GALNTL6: variants seen among roughly 807,000 people sequenced by gnomAD.
GALNTL6 encodes the protein polypeptide N-acetylgalactosaminyltransferase like 6.
GALNTL6 carries 46 observed loss-of-function variants against 73.7 expected under a neutral mutation model. The ratio of observed to expected loss-of-function variants is 0.62; its 90% confidence interval spans 0.49 to 0.80. GALNTL6 has a LOEUF of 0.80. Among genes scored for constraint, GALNTL6 ranks in the 30% least tolerant of loss-of-function variants. GALNTL6 has a pLI of 0.00. For synonymous variants in GALNTL6, 259 were observed against 263.7 expected (o/e 0.98, Z 0.17); for missense variants, 604 against 755.0 (o/e 0.80, Z 2.34).
intron 2 of GALNTL6, among the ~76,000 whole-genome samples, chr4:172,177,927 T>C (rs1422941186): frequency 7.3e-6 from 1 of 136,554 alleles, no homozygotes; most frequent in Non-Finnish European, 1.7e-5. Context: ...TTTATTTGTG[T>C]GTTCTTCAAG....
intron 10 of GALNTL6, among the ~76,000 whole-genome samples, chr4:173,000,838 A>G (rs1752014712): frequency 6.6e-6 from 1 of 152,212 alleles, no homozygotes; most frequent in Non-Finnish European, 1.5e-5. Flanking sequence ...TGGTGCTGGG[A>G]AAACTGGATA....
chr4:172,958,229 C>T (rs531693726), intron 10 of GALNTL6, among the ~76,000 whole-genome samples: 1 of 152,216 alleles, frequency 6.6e-6, no homozygotes, highest in East Asian at 1.9e-4. Context: ...AGTATTAGGG[C>T]AGCATCAGCC....
At chr4:172,797,230 A>G (rs1477754267) in intron 5 of GALNTL6, among the ~76,000 whole-genome samples, 1 of 152,108 alleles carries the variant, frequency 6.6e-6, no homozygotes, top group Non-Finnish European at 1.5e-5. Flanking sequence ...GTGCTGCTGT[A>G]TGGCACCTAA....
chr4:172,067,193 C>T (rs927441206), intron 2 of GALNTL6, among the ~76,000 whole-genome samples: 10 of 151,828 alleles, frequency 6.6e-5, no homozygotes, highest in African/African-American at 2.4e-4. Flanking sequence ...CTTTAAAAGG[C>T]ACAATAAAAC....
At chr4:172,500,288 A>G (rs897847520) in intron 5 of GALNTL6, among the ~76,000 whole-genome samples, 1 of 152,026 alleles carries the variant, frequency 6.6e-6, no homozygotes, top group Non-Finnish European at 1.5e-5. Flanking sequence ...AGGTATGGTG[A>G]TGTACACCTG....
At chr4:172,782,147 T>C (rs1739400852) in intron 5 of GALNTL6, among the ~76,000 whole-genome samples, 1 of 152,084 alleles carries the variant, frequency 6.6e-6, no homozygotes, top group African/African-American at 2.4e-5. Flanking sequence ...CCTTAATCAA[T>C]AGAAAATTTT....
chr4:171,840,381 A>G (rs1377560987), intron 2 of GALNTL6, among the ~76,000 whole-genome samples: 1 of 148,170 alleles, frequency 6.7e-6, no homozygotes, highest in Non-Finnish European at 1.5e-5. Flanking sequence ...GCGGAAATAA[A>G]CATATTAAAG....
chr4:172,677,581 T>C (rs2111222520), intron 5 of GALNTL6, among the ~76,000 whole-genome samples: 1 of 152,074 alleles, frequency 6.6e-6, no homozygotes, highest in East Asian at 1.9e-4. Context: ...AAACAATTGG[T>C]CCAGGAAGAG....
intron 5 of GALNTL6, among the ~76,000 whole-genome samples, chr4:172,564,220 A>G (rs1393871076): frequency 6.6e-6 from 1 of 152,232 alleles, no homozygotes; most frequent in African/African-American, 2.4e-5. Flanking sequence ...TAAAATAAAT[A>G]ATCTCATATT....
intron 2 of GALNTL6, among the ~76,000 whole-genome samples, chr4:171,872,571 G>T (rs1016761898): frequency 6.6e-6 from 1 of 152,108 alleles, no homozygotes; most frequent in Admixed American, 6.6e-5. Context: ...AGTTCTGAAG[G>T]CCACAAGTCT....
chr4:171,903,549 C>T (rs1289592581), intron 2 of GALNTL6, among the ~76,000 whole-genome samples: 2 of 149,610 alleles, frequency 1.3e-5, no homozygotes, highest in Non-Finnish European at 1.5e-5. Context: ...AACTGCAAGG[C>T]GGCAGCGAGG....
At chr4:172,226,933 A>C (rs1736887424) in intron 2 of GALNTL6, among the ~76,000 whole-genome samples, 1 of 152,152 alleles carries the variant, frequency 6.6e-6, no homozygotes, top group South Asian at 2.1e-4. Context: ...TGAGAAAATT[A>C]AATTTAGAGT....
chr4:172,230,202 C>T (rs1192800253), intron 3 of GALNTL6, among the ~76,000 whole-genome samples: 3 of 152,062 alleles, frequency 2.0e-5, no homozygotes, highest in Non-Finnish European at 2.9e-5. Flanking sequence ...GCAGGTCAAG[C>T]AGCTGGGGTT....
intron 5 of GALNTL6, among the ~76,000 whole-genome samples, chr4:172,575,838 T>G (rs1736938353): frequency 6.6e-6 from 1 of 152,202 alleles, no homozygotes; most frequent in South Asian, 2.1e-4. Context: ...AATCAGTGAC[T>G]CAGCACTTCA....
intron 7 of GALNTL6, among the ~76,000 whole-genome samples, chr4:172,815,488 C>T (rs1298438088): frequency 6.6e-6 from 1 of 152,074 alleles, no homozygotes; most frequent in African/African-American, 2.4e-5. Flanking sequence ...TTCCAAATAC[C>T]GTGATAGTGA....
intron 8 of GALNTL6, among the ~76,000 whole-genome samples, chr4:172,900,993 C>T (rs1266454154): frequency 6.6e-6 from 1 of 152,038 alleles, no homozygotes; most frequent in African/African-American, 2.4e-5. Flanking sequence ...GATTTTATTG[C>T]CTCATTTCCT....
In GALNTL6 at chr4:171,814,774, G is replaced by T. The variant is rs781154286; in HGVS notation, c.138+56G>T. The stretch of plus-strand genomic sequence containing the variant: ...GGATTGGTAAGGCAGTGATCCTCGC[G>T]CGGGGACTCGAGAAAGCCGGTGTGG... On this transcript the variant is annotated intron_variant, in intron 2 of 12. Transcript: ENST00000506823. The T allele has an allele frequency of 4.4e-6, 7 of 1,575,252 alleles. No homozygotes were observed. In the East Asian group the frequency reaches 8.9e-5, roughly 20 times the overall value.
chr4:172,173,964 C>T (rs1339955808), intron 2 of GALNTL6, among the ~76,000 whole-genome samples: 2 of 143,846 alleles, frequency 1.4e-5, no homozygotes, highest in Non-Finnish European at 2.9e-5. Context: ...AAAAGATAGT[C>T]AGGGACTTGT....
chr4:172,553,104 T>G (rs777450426), intron 5 of GALNTL6, among the ~76,000 whole-genome samples: 1 of 152,132 alleles, frequency 6.6e-6, no homozygotes, highest in Non-Finnish European at 1.5e-5. Context: ...ATTATATATT[T>G]GTGTATATAC....
Sources: gnomAD v4.1 joint callset for allele counts (sites outside exome capture counted in the v4.1 genomes callset) on GRCh38, gnomAD v4.1.1 for gene constraint, MANE v1.5 for transcripts, NCBI Gene and HGNC (gene_info 2026-07-23, HGNC 2026-07-21) for gene names.